Variants in CP observed in about 807,000 individuals in gnomAD.
The protein encoded by CP is ceruloplasmin.
A neutral mutation model predicts 122.4 loss-of-function variants in CP; 64 were observed. The ratio of observed to expected loss-of-function variants is 0.52; its 90% CI spans 0.43 to 0.64. The LOEUF is 0.64. Among genes scored for constraint, CP ranks in the 30% least tolerant of loss-of-function variants. The pLI, the probability that CP is intolerant of heterozygous loss-of-function variation, is 0.00. For synonymous variants in CP, 440 were observed against 436.4 expected (o/e 1.01, Z -0.10); for missense variants, 1,167 against 1,284.4 (o/e 0.91, Z 1.40).
chr3:149,189,907 AT>A (rs1356445388), intron 9 of CP, among the ~76,000 whole-genome samples: 3 of 152,338 alleles, frequency 2.0e-5, no homozygotes, highest in South Asian at 2.1e-4. Flanking sequence ...CGAAGAGAAA[AT>A]AAAAATGAAA....
chr3:149,177,079 G>A (rs928131641), intron 17 of CP, among the ~76,000 whole-genome samples: 1 of 152,158 alleles, frequency 6.6e-6, no homozygotes, highest in African/African-American at 2.4e-5. Flanking sequence ...ACTGGCTTCT[G>A]CTGAAATCAG....
At chr3:149,180,461 G>A (rs1421402606) in intron 14 of CP, among the ~76,000 whole-genome samples, 3 of 152,064 alleles carry the variant, frequency 2.0e-5, no homozygotes, top group Non-Finnish European at 4.4e-5. Context: ...CTGCTCACAG[G>A]CCTCAACTTT....
rs559817128 is a variant in CP at position 149,167,165 on chromosome 3, C to T, written c.587-1115G>A. On this transcript the variant is annotated intron_variant, in intron 4 of 5. Transcript: ENST00000479771. ...CACGCTTGAAAGAGTATGAACAGTGCATAGACATACTGTTAGAGAGATGCC... is the reference window on the plus strand; with the variant it reads ...CACGCTTGAAAGAGTATGAACAGTGTATAGACATACTGTTAGAGAGATGCC... 44 of 1,613,168 alleles carry T rather than the reference C, an allele frequency of 2.7e-5. No individual in the cohort carries two copies. The South Asian group carries it at 4.5e-4, about 17-fold the overall frequency.
At chr3:149,220,468 T>C (rs181418474) in intron 1 of CP, among the ~76,000 whole-genome samples, 165 of 113,552 alleles carry the variant, frequency 1.5e-3, no homozygotes, top group South Asian at 4.1e-3. Flanking sequence ...CCTTAGAAGA[T>C]AATACCACCT....
At chr3:149,193,128 C>T (rs967306359) in intron 9 of CP, among the ~76,000 whole-genome samples, 7 of 152,060 alleles carry the variant, frequency 4.6e-5, no homozygotes, top group African/African-American at 1.4e-4. Context: ...TAGTTACAAC[C>T]GACTAAATGG....
At chr3:149,182,410 T>C (rs1725844974) in intron 13 of CP, among the ~76,000 whole-genome samples, 1 of 152,104 alleles carries the variant, frequency 6.6e-6, no homozygotes, top group South Asian at 2.1e-4. Context: ...CCAGGAGTCA[T>C]TTATACCCCT....
At chr3:149,203,988 G>A (rs1487095768) in intron 6 of CP, among the ~76,000 whole-genome samples, 2 of 150,280 alleles carry the variant, frequency 1.3e-5, no homozygotes, top group East Asian at 3.8e-4. Flanking sequence ...GCAAGATGAA[G>A]TGTGTGTGTA....
In CP at chr3:149,162,596, G is replaced by T. The variant is rs777852886; in HGVS notation, c.*293C>A. 3.1e-6 allele frequency: 4 copies of T among 1,300,054 alleles called. No individual in the cohort carries two copies. The Admixed American group carries it at 6.8e-5, about 22-fold the overall frequency. The allele number at this position is 1,300,054 out of a possible 1,614,324, so 80.5% of individuals were successfully genotyped here. A position where few individuals can be genotyped will look rare whatever the true frequency, so the allele number is the denominator to read the frequency against. The stretch of plus-strand genomic sequence containing the variant: ...ATGCTAATGGTAAATTATTGATTGC[G>T]TGGCCCATGTGATGCTGTGATATTC... On this transcript the variant is annotated 3_prime_UTR_variant, in exon 6 of 6. Transcript: ENST00000479771.
In CP at chr3:149,173,051, G is replaced by A. The variant is rs1333876657; in HGVS notation, c.*663C>T. ...TTATCCTCTGAATGCAGTTAAGGCT[G>A]GGCAGAAATTCTACTCATGTGACAT... On this transcript the variant is annotated 3_prime_UTR_variant, in exon 19 of 19. Coordinates refer to ENST00000264613, the MANE Select transcript of CP (RefSeq NM_000096.4). The A allele has an allele frequency of 6.6e-6, 1 of 152,384 alleles. No individual in the cohort carries two copies. The highest frequency in any genetic ancestry group is 1.5e-5 in the Non-Finnish European group (1 of 67,978). 9.4% of individuals were successfully genotyped at this position (152,384 alleles called of 1,614,324 possible).
chr3:149,221,545 T>A, intron 1 of CP, 102 bp downstream of exon 1: 1 of 1,119,476 alleles, frequency 8.9e-7, no homozygotes, highest in Non-Finnish European at 1.3e-6. Context: ...CATTTTGCAG[T>A]TTCTGTATAT....
rs111960869 is a variant in CP, at chr3:149,185,534, T to C, written c.2078-88A>G. The C allele has an allele frequency of 4.1e-6, 5 of 1,223,848 alleles. 1 individual carries two copies. In the African/African-American group the frequency reaches 7.4e-5, roughly 18 times the overall value. The allele number at this position is 1,223,848 out of a possible 1,614,324, so 75.8% of individuals were successfully genotyped here. A position where few individuals can be genotyped will look rare whatever the true frequency, so the allele number is the denominator to read the frequency against. The stretch of plus-strand genomic sequence containing the variant: ...TCCTCAGAATTAATGCTGAAGTCCT[T>C]ATCATGGCCTCAGGTGATCTAGCTT... On this transcript the variant is annotated intron_variant, in intron 11 of 18. Transcript: ENST00000264613.
intron 9 of CP, among the ~76,000 whole-genome samples, chr3:149,197,180 C>T (rs910086147): frequency 6.6e-6 from 1 of 152,042 alleles, no homozygotes; most frequent in Non-Finnish European, 1.5e-5. Context: ...GGACTCAGCC[C>T]GCCTGCACCC....
chr3:149,204,613 A>T (rs1223343737), intron 6 of CP, among the ~76,000 whole-genome samples: 1 of 152,188 alleles, frequency 6.6e-6, no homozygotes. Context: ...GTCTGGGCTG[A>T]GCAAGTCCTA....
chr3:149,181,977 C>CAAA, intron 14 of CP, 28 bp downstream of exon 14: 1 of 476,448 alleles, frequency 2.1e-6, no homozygotes, highest in South Asian at 1.6e-5. Flanking sequence ...TTAAAATGCA[C>CAAA]CACCCCCACC....
In CP at chr3:149,175,664, A is replaced by AGTGTGTGTGTGTGTGTGTGTGTGTGT. The variant is rs60005904; in HGVS notation, c.3181+560_3181+585dup. Among the ~76,000 whole-genome samples, 492 of 145,640 alleles carry AGTGTGTGTGTGTGTGTGTGTGTGTGT rather than the reference A, an allele frequency of 3.4e-3. 4 individuals carry two copies. Among genetic ancestry groups the AGTGTGTGTGTGTGTGTGTGTGTGTGT allele is most frequent in the Middle Eastern group, 0.01 (3 of 286 alleles). The stretch of plus-strand genomic sequence containing the variant: ...AAACTGTTCATTTTTCTCCATTTTA[A>AGTGTGTGTGTGTGTGTGTGTGTGTGT]GTGTGTGTGTGTGTGTGTGTGTGTG... On this transcript the variant is annotated intron_variant, in intron 18 of 18. Transcript: ENST00000264613.
At chr3:149,187,167 G>A (rs959059105) in intron 10 of CP, among the ~76,000 whole-genome samples, 1 of 152,068 alleles carries the variant, frequency 6.6e-6, no homozygotes, top group African/African-American at 2.4e-5. Context: ...AACAGGAAAG[G>A]TCATATGTAG....
intron 1 of CP, among the ~76,000 whole-genome samples, chr3:149,217,497 A>G (rs1728544379): frequency 6.6e-6 from 1 of 152,114 alleles, no homozygotes; most frequent in Non-Finnish European, 1.5e-5. Context: ...CTAACTAGGG[A>G]GTCTCCACTT....
chr3:149,184,814 G>T (rs1478988450), intron 12 of CP, among the ~76,000 whole-genome samples: 1 of 152,166 alleles, frequency 6.6e-6, no homozygotes, highest in East Asian at 1.9e-4. Flanking sequence ...CATACGTAAC[G>T]GTTTTAAGGA....
chr3:149,172,232 T>A (rs773202573), downstream of CP: 2 of 1,611,542 alleles, frequency 1.2e-6, no homozygotes, highest in South Asian at 1.1e-5. Context: ...AAGGTATCAT[T>A]TGAAAAATAC....
Sources: allele counts gnomAD v4.1 joint callset (sites outside exome capture counted in the v4.1 genomes callset), GRCh38; gene constraint gnomAD v4.1.1; transcripts MANE v1.5; gene names NCBI Gene and HGNC (gene_info 2026-07-23, HGNC 2026-07-21).